The following GRHL2 variants were observed in gnomAD, a reference collection of about 807,000 sequenced individuals.
GRHL2 encodes grainyhead like transcription factor 2.
Under a neutral mutation model 83.8 loss-of-function variants are expected in GRHL2, and 21 were observed. That is an observed-to-expected ratio of 0.25 (90% CI 0.18 to 0.36). The LOEUF is 0.36. GRHL2 is among the 10% of genes least tolerant of loss of function. The pLI is 1.00. For synonymous variants in GRHL2, 280 were observed against 278.9 expected (o/e 1.00, Z -0.04); for missense variants, 623 against 781.8 (o/e 0.80, Z 2.42).
At chr8:101,537,397 G>C (rs781176871) in intron 1 of GRHL2, among the ~76,000 whole-genome samples, 60 of 152,292 alleles carry the variant, frequency 3.9e-4, no homozygotes, top group Middle Eastern at 3.4e-3. Context: ...TGGCTAAAGA[G>C]AAGAACCACC....
chr8:101,512,898 G>C (rs749951511), intron 1 of GRHL2, among the ~76,000 whole-genome samples: 18 of 152,104 alleles, frequency 1.2e-4, no homozygotes, highest in Non-Finnish European at 2.4e-4. Context: ...TCTGAGATCC[G>C]GGTGCCAGCA....
chr8:101,524,870 C>T (rs1054649243), intron 1 of GRHL2, among the ~76,000 whole-genome samples: 1 of 151,730 alleles, frequency 6.6e-6, no homozygotes, highest in South Asian at 2.1e-4. Context: ...ATTATAATTG[C>T]TGATATATAG....
intron 1 of GRHL2, among the ~76,000 whole-genome samples, chr8:101,497,077 C>G (rs913761690): frequency 6.6e-6 from 1 of 152,168 alleles, no homozygotes; most frequent in Non-Finnish European, 1.5e-5. Context: ...GTTTCTTTCC[C>G]TGAGTATCAC....
intron 1 of GRHL2, among the ~76,000 whole-genome samples, chr8:101,542,138 G>A (rs1406430206): frequency 2.0e-5 from 3 of 152,144 alleles, no homozygotes; most frequent in African/African-American, 7.2e-5. Flanking sequence ...GTAATTTCAA[G>A]TATAGATTAA....
At chr8:101,634,481 T>C (rs1458225060) in intron 11 of GRHL2, among the ~76,000 whole-genome samples, 1 of 152,156 alleles carries the variant, frequency 6.6e-6, no homozygotes, top group African/African-American at 2.4e-5. Context: ...TGGCTAACTT[T>C]GACCTGCAGA....
intron 7 of GRHL2, among the ~76,000 whole-genome samples, chr8:101,585,997 T>C (rs898717506): frequency 2.6e-5 from 4 of 151,644 alleles, no homozygotes; most frequent in Non-Finnish European, 4.4e-5. Flanking sequence ...CCAGCTCCAG[T>C]CCCTGATCCC....
intron 4 of GRHL2, among the ~76,000 whole-genome samples, chr8:101,564,427 G>A (rs992462593): frequency 3.3e-5 from 5 of 152,164 alleles, no homozygotes; most frequent in African/African-American, 1.2e-4. Context: ...GTATGTGCAC[G>A]TGCATGTGTG....
At chr8:101,576,687 A>G (rs1182944745) in intron 6 of GRHL2, among the ~76,000 whole-genome samples, 1 of 152,148 alleles carries the variant, frequency 6.6e-6, no homozygotes, top group Non-Finnish European at 1.5e-5. Flanking sequence ...TCCATTTCAT[A>G]AGTGACGGTG....
chr8:101,598,627 C>G (rs1812446266), intron 7 of GRHL2, among the ~76,000 whole-genome samples: 1 of 131,396 alleles, frequency 7.6e-6, no homozygotes, highest in Non-Finnish European at 1.6e-5. Context: ...GTACTGATGA[C>G]ACTGCCTGGC....
Position 101,566,910 on chromosome 8 carries a change from G to A in GRHL2, c.679-3429G>A, listed in dbSNP as rs532291972. ...TTTACCAGAAGCTTCATGAGAGCAG[G>A]GACCTATTCTCCTTTTGTTCACCAC... is the stretch of plus-strand genomic sequence containing the variant. On this transcript the variant is annotated intron_variant, in intron 4 of 15. Transcript: ENST00000646743. 7.9e-5 allele frequency among the ~76,000 whole-genome samples: 12 copies of A among 152,112 alleles called. No homozygotes were observed. In the East Asian group the frequency reaches 2.3e-3, roughly 29 times the overall value.
chr8:101,635,846 C>G (rs1411181085), intron 11 of GRHL2, among the ~76,000 whole-genome samples: 1 of 152,142 alleles, frequency 6.6e-6, no homozygotes, highest in Non-Finnish European at 1.5e-5. Context: ...CAGAGAGTTC[C>G]AGGTAACCAG....
chr8:101,532,331 G>A (rs764415631), intron 1 of GRHL2, among the ~76,000 whole-genome samples: 4 of 152,178 alleles, frequency 2.6e-5, no homozygotes, highest in South Asian at 4.1e-4. Flanking sequence ...TTTTTGGTCT[G>A]AATATGGTCA....
intron 7 of GRHL2, among the ~76,000 whole-genome samples, chr8:101,595,397 A>T (rs1247609469): frequency 6.6e-6 from 1 of 152,188 alleles, no homozygotes; most frequent in African/African-American, 2.4e-5. Flanking sequence ...TGTTTGAACA[A>T]ATTTTCTTGG....
At chr8:101,645,518 T>C (rs1255938028) in intron 13 of GRHL2, among the ~76,000 whole-genome samples, 2 of 152,154 alleles carry the variant, frequency 1.3e-5, no homozygotes, top group Non-Finnish European at 2.9e-5. Context: ...GGATTTGCAC[T>C]GTGGTCAAGA....
At chr8:101,664,354 C>A in intron 14 of GRHL2, 100 bp from the exon 15 acceptor site, 1 of 824,364 alleles carries the variant, frequency 1.2e-6, no homozygotes, top group Non-Finnish European at 2.1e-6. Context: ...GCACTCTATC[C>A]CTGGGAAAAT....
At chr8:101,655,193 A>G in intron 14 of GRHL2, among the ~76,000 whole-genome samples, 1 of 152,230 alleles carries the variant, frequency 6.6e-6, no homozygotes, top group South Asian at 2.1e-4. Context: ...TAAAAAAAAA[A>G]AAAAGAAGAA....
intron 1 of GRHL2, among the ~76,000 whole-genome samples, chr8:101,493,120 G>T (rs1476671843): frequency 6.6e-6 from 1 of 152,166 alleles, no homozygotes; most frequent in Admixed American, 6.5e-5. Context: ...GGGCGCGGGA[G>T]GCCTGCTCTT....
chr8:101,566,019 A>G (rs971762710), intron 4 of GRHL2, among the ~76,000 whole-genome samples: 5 of 152,214 alleles, frequency 3.3e-5, no homozygotes, highest in African/African-American at 1.2e-4. Context: ...AACTTAATTG[A>G]TTGACAGCTG....
chr8:101,505,779 G>C (rs887046718), intron 1 of GRHL2, among the ~76,000 whole-genome samples: 3 of 152,018 alleles, frequency 2.0e-5, no homozygotes, highest in Non-Finnish European at 2.9e-5. Flanking sequence ...ACAAAATTTG[G>C]GACACAAGTC....
Sources: allele counts gnomAD v4.1 joint callset (sites outside exome capture counted in the v4.1 genomes callset), GRCh38; gene constraint gnomAD v4.1.1; transcripts MANE v1.5; gene names NCBI Gene and HGNC (gene_info 2026-07-23, HGNC 2026-07-21).